Variants in HEXB observed in about 807,000 individuals in gnomAD.
HEXB encodes beta-hexosaminidase subunit beta.
A neutral mutation model predicts 71.2 loss-of-function variants in HEXB; 51 were observed. That is an observed-to-expected ratio of 0.72 (90% CI 0.57 to 0.90). The LOEUF is 0.90. HEXB is among the 40% of genes least tolerant of loss of function. The pLI, the probability that HEXB is intolerant of heterozygous loss-of-function variation, is 0.00. For missense variants in HEXB, 617 were observed against 677.0 expected (o/e 0.91, Z 0.98); for synonymous variants, 266 against 249.3 (o/e 1.07, Z -0.63).
chr5:74,692,271 G>T (rs1370953106), intron 2 of HEXB, among the ~76,000 whole-genome samples: 2 of 150,968 alleles, frequency 1.3e-5, no homozygotes, highest in Non-Finnish European at 2.9e-5. Flanking sequence ...GCTGAGGCCG[G>T]TAGATGGCTT....
intron 1 of HEXB, among the ~76,000 whole-genome samples, chr5:74,656,447 G>A (rs1379213572): frequency 7.0e-6 from 1 of 141,928 alleles, no homozygotes. Flanking sequence ...CCACTGCACT[G>A]AAGCCTGGAT....
intron 5 of HEXB, among the ~76,000 whole-genome samples, chr5:74,704,260 C>T (rs193282719): frequency 5.9e-5 from 9 of 152,202 alleles, no homozygotes; most frequent in Non-Finnish European, 1.0e-4. Flanking sequence ...CTGCACAATC[C>T]CCTTGTATGT....
intron 6 of HEXB, chr5:74,705,727 G>A (rs1749371153): frequency 4.1e-6 from 1 of 241,820 alleles, no homozygotes; most frequent in Non-Finnish European, 8.1e-6. Context: ...GAATTTTAGA[G>A]GTGAGAGTGT....
intron 1 of HEXB, among the ~76,000 whole-genome samples, chr5:74,650,423 A>G (rs1392777779): frequency 3.9e-5 from 6 of 152,206 alleles, no homozygotes; most frequent in Non-Finnish European, 8.8e-5. Context: ...TACTTGATAA[A>G]CATGAACTAA....
At chr5:74,677,772 G>A (rs1206608317) in intron 1 of HEXB, among the ~76,000 whole-genome samples, 1 of 151,578 alleles carries the variant, frequency 6.6e-6, no homozygotes, top group Non-Finnish European at 1.5e-5. Flanking sequence ...TAATTATATA[G>A]CAGTGAATTC....
intron 8 of HEXB, 71 bp downstream of exon 8, chr5:74,715,761 A>G (rs941031737): frequency 9.1e-7 from 1 of 1,102,598 alleles, no homozygotes; most frequent in Admixed American, 1.8e-5. Context: ...TCACGCCTAT[A>G]ATCCCAGCAC....
In HEXB at chr5:74,652,955, G is replaced by A. The variant is rs1464763325; in HGVS notation, c.-377+12397G>A. ...AATGCCCTCTTTGCTTTACTGAAAT[G>A]GAATTTATAGATAATAGACTCTATT... On this transcript the variant is annotated intron_variant, in intron 1 of 13. Coordinates refer to the HEXB transcript ENST00000511181. This position sits in a 1 kb window ranked among gnomAD's most constrained non-coding sequence, Gnocchi z 5.4. Among the ~76,000 whole-genome samples, 2 of 152,126 alleles carry A rather than the reference G, an allele frequency of 1.3e-5. No individual in the cohort carries two copies. The highest frequency in any genetic ancestry group is 2.9e-5 in the Non-Finnish European group (2 of 68,034).
chr5:74,663,498 A>G (rs1025735323), intron 1 of HEXB, among the ~76,000 whole-genome samples: 2 of 152,010 alleles, frequency 1.3e-5, no homozygotes, highest in Non-Finnish European at 2.9e-5. Flanking sequence ...GCAAAAGATG[A>G]CCTCTTTCTA....
intron 9 of HEXB, 132 bp downstream of exon 9, chr5:74,716,805 A>G: frequency 1.6e-6 from 1 of 614,008 alleles, no homozygotes; most frequent in Non-Finnish European, 3.0e-6. Flanking sequence ...AAAGGAGGCA[A>G]TACCCACTGC....
At chr5:74,692,628 C>T (rs1206396513) in intron 2 of HEXB, among the ~76,000 whole-genome samples, 1 of 152,214 alleles carries the variant, frequency 6.6e-6, no homozygotes, top group Admixed American at 6.5e-5. Context: ...TGTCAGAAGA[C>T]TATCACCTGA....
At chr5:74,700,988 G>T (rs906585007) in intron 5 of HEXB, among the ~76,000 whole-genome samples, 8 of 151,710 alleles carry the variant, frequency 5.3e-5, no homozygotes, top group Non-Finnish European at 1.2e-4. Flanking sequence ...GATTACAGGC[G>T]TGAGCCCCCA....
intron 5 of HEXB, among the ~76,000 whole-genome samples, chr5:74,703,891 C>G (rs890816956): frequency 2.6e-5 from 4 of 152,166 alleles, no homozygotes; most frequent in African/African-American, 9.7e-5. Context: ...GTCATGCAGG[C>G]TGGTCTCAAA....
At chr5:74,669,020 A>G (rs820847) in intron 1 of HEXB, among the ~76,000 whole-genome samples, 98,466 of 151,982 alleles carry the variant, frequency 0.65, 33,063 homozygotes, top group African/African-American at 0.83. Context: ...GGAGTTCAAC[A>G]GCACAATCTC....
chr5:74,651,994 G>A (rs1454304709), intron 1 of HEXB, among the ~76,000 whole-genome samples: 3 of 152,176 alleles, frequency 2.0e-5, no homozygotes, highest in Admixed American at 6.5e-5. Context: ...CCAGCTCTGT[G>A]TAAAACTACT....
rs903522570 is a variant in HEXB at position 74,641,993 on chromosome 5, A to G, written c.-377+1435A>G. On this transcript the variant is annotated intron_variant, in intron 1 of 13. Coordinates refer to the HEXB transcript ENST00000511181. The surrounding 1 kb of genome is among the most constrained non-coding windows in gnomAD (Gnocchi z 4.1). ...CCGTCCCCGGGTCCCCGCGTCCCCA[A>G]GCGCCCGCGCTTCGCCTCCCAGCTT... is the stretch of plus-strand genomic sequence containing the variant. Among the ~76,000 whole-genome samples, 5 of 152,162 alleles carry G rather than the reference A, an allele frequency of 3.3e-5. No homozygotes were observed. The highest frequency in any genetic ancestry group is 1.3e-4 in the Admixed American group (2 of 15,286).
At chr5:74,649,604 A>C (rs1748065843) in intron 1 of HEXB, among the ~76,000 whole-genome samples, 1 of 152,206 alleles carries the variant, frequency 6.6e-6, no homozygotes, top group Admixed American at 6.5e-5. Context: ...AACACCTGGC[A>C]CATACCCAGT....
At chr5:74,714,310 G>A (rs1259688927) in intron 7 of HEXB, among the ~76,000 whole-genome samples, 1 of 152,090 alleles carries the variant, frequency 6.6e-6, no homozygotes, top group African/African-American at 2.4e-5. Context: ...TTGTGATTAG[G>A]TACTGCCTAA....
chr5:74,653,654 T>C (rs1406652409), intron 1 of HEXB, among the ~76,000 whole-genome samples: 1 of 152,220 alleles, frequency 6.6e-6, no homozygotes, highest in Non-Finnish European at 1.5e-5. Flanking sequence ...ATGTCATAGT[T>C]ACTTTTGGCC....
chr5:74,714,245 A>G (rs1749622191), intron 7 of HEXB, among the ~76,000 whole-genome samples: 1 of 152,244 alleles, frequency 6.6e-6, no homozygotes, highest in Non-Finnish European at 1.5e-5. Flanking sequence ...CCTATCAGTA[A>G]TACTATTGAC....
Sources: allele counts gnomAD v4.1 joint callset (sites outside exome capture counted in the v4.1 genomes callset), GRCh38; gene constraint gnomAD v4.1.1; non-coding constraint Gnocchi (gnomAD v3.1); transcripts MANE v1.5; gene names NCBI Gene and HGNC (gene_info 2026-07-23, HGNC 2026-07-21).